Variants in RNASEH2B observed in about 807,000 individuals in gnomAD.
RNASEH2B encodes ribonuclease H2 subunit B.
Under a neutral mutation model 45.0 loss-of-function variants are expected in RNASEH2B, and 36 were observed. The ratio of observed to expected loss-of-function variants is 0.80; its 90% CI spans 0.61 to 1.06. The LOEUF is 1.06. Ranked by LOEUF, RNASEH2B falls within the 50% of genes least tolerant of loss-of-function variation. RNASEH2B has a pLI of 0.00. For missense variants in RNASEH2B, 361 were observed against 360.3 expected, an observed-to-expected ratio of 1.00 and a Z score of -0.02; for synonymous variants, 119 against 125.7, an observed-to-expected ratio of 0.95 and a Z score of 0.35.
In RNASEH2B at chr13:50,934,865, C is replaced by G. The variant is rs1593462759; in HGVS notation, c.322-20C>G. On this transcript the variant is annotated intron_variant, in intron 4 of 10. Transcript: ENST00000336617. ...CTTTGTTGAATGAAATGCTTGCTTTCCAACTAACTGTTTTTTCAGGGGAAG... is the reference window on the plus strand; with the variant it reads ...CTTTGTTGAATGAAATGCTTGCTTTGCAACTAACTGTTTTTTCAGGGGAAG... 6.7e-7 allele frequency: 1 copy of G among 1,499,068 alleles called. No homozygotes were observed. The highest frequency in any genetic ancestry group is 9.3e-7 in the Non-Finnish European group (1 of 1,078,328). The allele number at this position is 1,499,068 out of a possible 1,614,324, so 92.9% of individuals were successfully genotyped here.
chr13:50,913,644 T>G (rs1206840212), intron 1 of RNASEH2B, among the ~76,000 whole-genome samples: 1 of 152,196 alleles, frequency 6.6e-6, no homozygotes, highest in Admixed American at 6.5e-5. Flanking sequence ...TAGAGACAAG[T>G]TTTGCAATAA....
intron 5 of RNASEH2B, among the ~76,000 whole-genome samples, chr13:50,940,022 A>G (rs984923512): frequency 1.3e-5 from 2 of 152,242 alleles, no homozygotes; most frequent in African/African-American, 4.8e-5. Context: ...ACGGCTTAAA[A>G]TGATATAGCC....
At chr13:50,929,754 T>A (rs1020243370) in intron 3 of RNASEH2B, among the ~76,000 whole-genome samples, 172 bp downstream of exon 3, 1 of 152,142 alleles carries the variant, frequency 6.6e-6, no homozygotes, top group African/African-American at 2.4e-5. Context: ...ATTTGAGCAC[T>A]AAGGTTAAGT....
intron 9 of RNASEH2B, among the ~76,000 whole-genome samples, chr13:50,968,715 C>T (rs1381002245): frequency 2.0e-5 from 3 of 152,200 alleles, no homozygotes; most frequent in African/African-American, 7.2e-5. Context: ...TTATCCTCAA[C>T]GATGGCAAGC....
intron 1 of RNASEH2B, among the ~76,000 whole-genome samples, chr13:50,917,734 A>G (rs1270355768): frequency 1.3e-5 from 2 of 152,034 alleles, no homozygotes; most frequent in Admixed American, 6.6e-5. Flanking sequence ...GCCAGAGGCC[A>G]CTCTGCTGAC....
intron 9 of RNASEH2B, 125 bp downstream of exon 9, chr13:50,949,630 A>G (rs1489912435): frequency 3.6e-6 from 3 of 831,980 alleles, no homozygotes; most frequent in Non-Finnish European, 2.0e-6. Flanking sequence ...GAGTGATGCC[A>G]TGTGGAATAA....
chr13:50,909,984 C>A lies in RNASEH2B; in HGVS notation c.-93C>A, dbSNP rs1286132779. The A allele has an allele frequency of 8.5e-7, 1 of 1,178,300 alleles. No homozygotes were observed. Among genetic ancestry groups the A allele is most frequent in the Non-Finnish European group, 1.2e-6 (1 of 861,142 alleles). 73.0% of individuals were successfully genotyped at this position (1,178,300 alleles called of 1,614,324 possible). A position where few individuals can be genotyped will look rare whatever the true frequency, so the allele number is the denominator to read the frequency against. ...CCGGTCCCTCAGCGCGCCGCGCCAC[C>A]CGGAACAGACCCTTCTCCCGCCATT... On this transcript the variant is annotated 5_prime_UTR_variant, in exon 1 of 11. Coordinates refer to ENST00000336617, the MANE Select transcript of RNASEH2B (RefSeq NM_024570.4).
chr13:50,968,092 C>T (rs1352546709), intron 9 of RNASEH2B, among the ~76,000 whole-genome samples: 6 of 152,302 alleles, frequency 3.9e-5, no homozygotes, highest in African/African-American at 1.4e-4. Context: ...AGTATTTTTA[C>T]AGTTCTCACA....
chr13:50,967,888 C>T (rs145228672), intron 9 of RNASEH2B, among the ~76,000 whole-genome samples: 9 of 152,246 alleles, frequency 5.9e-5, no homozygotes, highest in African/African-American at 1.9e-4. Context: ...AGCTCCAGGT[C>T]TAGAGAAGCA....
chr13:50,939,343 C>A (rs1951804760), intron 5 of RNASEH2B, among the ~76,000 whole-genome samples: 1 of 93,162 alleles, frequency 1.1e-5, no homozygotes, highest in African/African-American at 4.5e-5. Context: ...GGTGACAGAG[C>A]GAGACTCTGT....
At chr13:50,914,210 C>T (rs1441615061) in intron 1 of RNASEH2B, among the ~76,000 whole-genome samples, 1 of 152,198 alleles carries the variant, frequency 6.6e-6, no homozygotes, top group African/African-American at 2.4e-5. Context: ...CTAAAAAACA[C>T]TCTTTTCCCT....
intron 1 of RNASEH2B, among the ~76,000 whole-genome samples, chr13:50,926,906 T>C (rs73186371): frequency 0.067 from 10,196 of 152,028 alleles, 352 homozygotes; most frequent in Middle Eastern, 0.2. Context: ...AGGTTTCAGG[T>C]AAATATGTTT....
chr13:50,922,508 C>T (rs1223700758), intron 1 of RNASEH2B, among the ~76,000 whole-genome samples: 1 of 152,166 alleles, frequency 6.6e-6, no homozygotes, highest in Non-Finnish European at 1.5e-5. Context: ...AAGATTGGAT[C>T]ACTTATTGGT....
chr13:50,913,691 A>G (rs1007438390), intron 1 of RNASEH2B, among the ~76,000 whole-genome samples: 1 of 152,204 alleles, frequency 6.6e-6, no homozygotes, highest in East Asian at 1.9e-4. Context: ...TACATGTTAA[A>G]AAGTATTTTA....
At chr13:50,965,149 G>A (rs1384275106) in intron 9 of RNASEH2B, among the ~76,000 whole-genome samples, 6 of 152,178 alleles carry the variant, frequency 3.9e-5, no homozygotes, top group Non-Finnish European at 7.3e-5. Flanking sequence ...CCATCATAAC[G>A]TAAGGTTGTA....
At chr13:50,965,037 C>T (rs760938961) in intron 9 of RNASEH2B, among the ~76,000 whole-genome samples, 65 of 152,124 alleles carry the variant, frequency 4.3e-4, no homozygotes, top group Non-Finnish European at 7.5e-4. Context: ...AGTCATGCCC[C>T]GCACAGCAAT....
chr13:50,960,022 T>G (rs1952095204), downstream of RNASEH2B: 4 of 381,578 alleles, frequency 1.0e-5, no homozygotes, highest in Non-Finnish European at 1.8e-5. Context: ...TTTTAGTTAC[T>G]CAAGTCTTAA....
intron 5 of RNASEH2B, 29 bp downstream of exon 5, chr13:50,935,028 G>A (rs776467802): frequency 1.4e-6 from 2 of 1,434,234 alleles, no homozygotes; most frequent in African/African-American, 2.8e-5. Context: ...GCTTATGGCT[G>A]GTAGAAAGGA....
intron 1 of RNASEH2B, among the ~76,000 whole-genome samples, chr13:50,913,978 C>T (rs1879583583): frequency 6.6e-6 from 1 of 150,806 alleles, no homozygotes; most frequent in East Asian, 1.9e-4. Flanking sequence ...AAAGGAAAAA[C>T]TAATTTTCTT....
Sources: gnomAD v4.1 joint callset for allele counts (sites outside exome capture counted in the v4.1 genomes callset) on GRCh38, gnomAD v4.1.1 for gene constraint, MANE v1.5 for transcripts, NCBI Gene and HGNC (gene_info 2026-07-23, HGNC 2026-07-21) for gene names.